The following PDZRN3 variants were observed in gnomAD, a reference collection of about 807,000 sequenced individuals.
The protein encoded by PDZRN3 is E3 ubiquitin-protein ligase PDZRN3.
A neutral mutation model predicts 85.7 loss-of-function variants in PDZRN3; 38 were observed. The observed-to-expected ratio is 0.44, with a 90% CI of 0.34 to 0.58. PDZRN3 has a LOEUF of 0.58. Among genes scored for constraint, PDZRN3 ranks in the 20% least tolerant of loss-of-function variants. The probability of loss-of-function intolerance (pLI) is 0.01; values close to 1 mark genes in which losing one functional copy is unlikely to be tolerated. For missense variants in PDZRN3, 1,629 were observed against 1,506.4 expected, an observed-to-expected ratio of 1.08 and a Z score of -1.35; for synonymous variants, 759 against 638.0, an observed-to-expected ratio of 1.19 and a Z score of -2.86.
chr3:73,551,408 A>T (rs7636456), intron 3 of PDZRN3, among the ~76,000 whole-genome samples: 70,202 of 152,042 alleles, frequency 0.46, 17,282 homozygotes, highest in Admixed American at 0.56. Flanking sequence ...GGAGGCCAGG[A>T]GTGGTGACTC....
chr3:73,450,474 G>A (rs914597707), intron 3 of PDZRN3, among the ~76,000 whole-genome samples: 2 of 152,144 alleles, frequency 1.3e-5, no homozygotes, highest in Non-Finnish European at 2.9e-5. Flanking sequence ...TAGATATCGA[G>A]GCCTATCACG....
chr3:73,621,034 G>A (rs1055295579), intron 1 of PDZRN3, among the ~76,000 whole-genome samples: 4 of 152,230 alleles, frequency 2.6e-5, no homozygotes, highest in African/African-American at 9.6e-5. Context: ...GCTACTTAAA[G>A]GACCAGCATC....
intron 3 of PDZRN3, chr3:73,433,516 C>T (rs906845561): frequency 1.9e-5 from 12 of 639,288 alleles, no homozygotes; most frequent in Admixed American, 8.6e-5. Context: ...AGAAAGGCTG[C>T]GTCTTTCAGA....
At chr3:73,484,417 G>C (rs889842199) in intron 3 of PDZRN3, among the ~76,000 whole-genome samples, 3 of 152,062 alleles carry the variant, frequency 2.0e-5, no homozygotes, top group Admixed American at 6.5e-5. Flanking sequence ...TTCCAATGGA[G>C]GGGGGTGGTT....
chr3:73,384,162 C>G lies in PDZRN3; in HGVS notation c.2404G>C (p.Gly802Arg), dbSNP rs753519188. Residue 802 changes from glycine to arginine, a missense_variant, in exon 10 of 10, where the codon GGG becomes CGG. Physicochemically the swap from Gly to Arg is moderately radical, Grantham distance 125 (BLOSUM62 -2). Transcript: ENST00000263666. ...EGAVGTTEAY[G>R]PASKNLLSIT... ...GAGAGCAGATTCTTGGAGGCTGGCC[C>G]GTAGGCTTCCGTGGTCCCCACAGCC... The G allele has an allele frequency of 3.7e-6, 6 of 1,614,050 alleles. No homozygotes were observed. The South Asian group carries it at 6.6e-5, about 18-fold the overall frequency.
intron 3 of PDZRN3, among the ~76,000 whole-genome samples, chr3:73,500,180 C>T (rs1703950556): frequency 1.3e-5 from 2 of 151,968 alleles, no homozygotes; most frequent in South Asian, 4.2e-4. Flanking sequence ...TCCCAAGTAG[C>T]TGGGACTACA....
rs778498623 is a variant in PDZRN3, at chr3:73,384,541, C to G, written c.2025G>C (p.Lys675Asn). The G allele has an allele frequency of 6.2e-7, 1 of 1,613,764 alleles. No homozygotes were observed. The highest frequency in any genetic ancestry group is 1.1e-5 in the South Asian group (1 of 91,086). ...YYPSGPLDAG[K>N]SDPESVDKEL... ...CCTTGTCCACGCTCTCAGGGTCACT[C>G]TTGCCGGCGTCCAGGGGGCCGCTAG... is the stretch of plus-strand genomic sequence containing the variant. The change falls in exon 10 of 10, where the codon AAG becomes AAC. Residue 675 changes from lysine (K) to asparagine (N), a missense_variant. Coordinates refer to ENST00000263666, the MANE Select transcript of PDZRN3 (RefSeq NM_015009.3).
At chr3:73,603,272 T>G (rs1357543581) in intron 2 of PDZRN3, among the ~76,000 whole-genome samples, 1 of 152,242 alleles carries the variant, frequency 6.6e-6, no homozygotes, top group African/African-American at 2.4e-5. Flanking sequence ...TCTGACCTCC[T>G]TGAATCTCTT....
intron 3 of PDZRN3, among the ~76,000 whole-genome samples, chr3:73,447,094 T>C (rs1277913493): frequency 6.8e-6 from 1 of 148,100 alleles, no homozygotes; most frequent in Non-Finnish European, 1.5e-5. Context: ...ATTAGATATA[T>C]ATATTAGATC....
At chr3:73,419,492 C>T (rs1011319265) in intron 3 of PDZRN3, among the ~76,000 whole-genome samples, 51 of 152,174 alleles carry the variant, frequency 3.4e-4, no homozygotes, top group South Asian at 2.1e-4. Flanking sequence ...CCCCTGCACA[C>T]GCAACGGCAG....
chr3:73,426,158 G>T (rs988439028), intron 3 of PDZRN3, among the ~76,000 whole-genome samples: 1 of 151,706 alleles, frequency 6.6e-6, no homozygotes, highest in Admixed American at 6.6e-5. Context: ...AATATGGTGA[G>T]ATATATATAT....
At chr3:73,448,442 G>A (rs778497794) in intron 3 of PDZRN3, among the ~76,000 whole-genome samples, 2 of 152,170 alleles carry the variant, frequency 1.3e-5, no homozygotes, top group Non-Finnish European at 1.5e-5. Context: ...TCCATCCCTT[G>A]TATAGCTCAG....
chr3:73,553,825 GGATA>G (rs1175292368), intron 3 of PDZRN3, among the ~76,000 whole-genome samples: 1 of 152,176 alleles, frequency 6.6e-6, no homozygotes, highest in Non-Finnish European at 1.5e-5. Flanking sequence ...GGCGGCATCT[GGATA>G]GGTGAGGAAG....
chr3:73,602,599 A>G, intron 2 of PDZRN3, 138 bp from the exon 3 acceptor site: 1 of 586,924 alleles, frequency 1.7e-6, no homozygotes, highest in Non-Finnish European at 3.0e-6. Flanking sequence ...TGTTTCTCCT[A>G]ATTTCTGTTT....
Position 73,384,338 on chromosome 3 carries a change from A to G in PDZRN3, c.2228T>C (p.Ile743Thr). 3 of 1,611,240 alleles carry G rather than the reference A, an allele frequency of 1.9e-6. No individual in the cohort carries two copies. Among genetic ancestry groups the G allele is most frequent in the Non-Finnish European group, 1.7e-6 (2 of 1,179,948 alleles). Residue 743 changes from isoleucine (I) to threonine (T), a missense_variant, in exon 10 of 10, where the codon ATC becomes ACC. Coordinates refer to ENST00000263666, the MANE Select transcript of PDZRN3 (RefSeq NM_015009.3). ...IDVRRHELSD[I>T]TELPEKSDKD... ...GTCGGATTTCTCCGGGAGCTCGGTG[A>G]TATCTGAGAGCTCGTGTCTGCGCAC...
chr3:73,585,434 A>G (rs1702263590), intron 3 of PDZRN3, among the ~76,000 whole-genome samples: 1 of 152,194 alleles, frequency 6.6e-6, no homozygotes, highest in Non-Finnish European at 1.5e-5. Flanking sequence ...TCTGTTTACT[A>G]CAATAGGCTT....
chr3:73,388,518 T>G (rs921744169), intron 7 of PDZRN3, among the ~76,000 whole-genome samples: 3 of 152,198 alleles, frequency 2.0e-5, no homozygotes, highest in African/African-American at 7.2e-5. Context: ...TGTCCCCAGT[T>G]TGACACTTAA....
intron 3 of PDZRN3, among the ~76,000 whole-genome samples, chr3:73,444,822 T>C (rs1702716732): frequency 6.6e-6 from 1 of 152,170 alleles, no homozygotes; most frequent in Non-Finnish European, 1.5e-5. Context: ...AGCTGGTTGT[T>C]GCAAGATGGA....
chr3:73,458,835 T>C (rs536762219), intron 3 of PDZRN3, among the ~76,000 whole-genome samples: 1 of 150,810 alleles, frequency 6.6e-6, no homozygotes, highest in African/African-American at 2.4e-5. Context: ...ACTAAAAATA[T>C]AACAAAATTA....
Sources: gnomAD v4.1 joint callset for allele counts (sites outside exome capture counted in the v4.1 genomes callset) on GRCh38, gnomAD v4.1.1 for gene constraint, MANE v1.5 for transcripts, NCBI Gene and HGNC (gene_info 2026-07-23, HGNC 2026-07-21) for gene names.